GPM6A: variants seen among roughly 807,000 people sequenced by gnomAD.
GPM6A encodes glycoprotein M6A.
Under a neutral mutation model 32.1 loss-of-function variants are expected in GPM6A, and 7 were observed. The observed-to-expected ratio is 0.22, with a 90% CI of 0.12 to 0.41. The LOEUF (loss-of-function observed/expected upper bound fraction) is 0.41, where lower values mean the gene tolerates loss of function less well. Ranked by LOEUF, GPM6A falls within the 10% of genes least tolerant of loss-of-function variation. The pLI, the probability that GPM6A is intolerant of heterozygous loss-of-function variation, is 1.00. For missense variants in GPM6A, 235 were observed against 347.2 expected, an observed-to-expected ratio of 0.68 and a Z score of 2.57; for synonymous variants, 130 against 123.4, an observed-to-expected ratio of 1.05 and a Z score of -0.35.
chr4:175,719,203 C>CTT (rs33963681), intron 1 of GPM6A, among the ~76,000 whole-genome samples: 3 of 146,622 alleles, frequency 2.0e-5, no homozygotes. Context: ...TATAACACAA[C>CTT]TTTTTTTTTT....
intron 4 of GPM6A, 148 bp downstream of exon 4, chr4:175,651,686 C>T (rs1311139443): frequency 6.5e-6 from 4 of 611,690 alleles, no homozygotes; most frequent in Non-Finnish European, 1.1e-5. Flanking sequence ...AAGGGAATAG[C>T]CTTAGCAGTA....
intron 1 of GPM6A, among the ~76,000 whole-genome samples, chr4:175,746,913 C>A (rs1158254568): frequency 6.6e-6 from 1 of 152,130 alleles, no homozygotes; most frequent in East Asian, 1.9e-4. Flanking sequence ...AAAATTGTAA[C>A]CCATTAAGAA....
intron 1 of GPM6A, among the ~76,000 whole-genome samples, chr4:175,778,454 G>A (rs868776717): frequency 9.9e-5 from 15 of 151,338 alleles, no homozygotes; most frequent in African/African-American, 3.2e-4. Context: ...GTGAAGCCCC[G>A]TCTCTACTAA....
At position 175,834,644 on chromosome 4, in the gene GPM6A, T is replaced by TA. The variant is rs139627448; in HGVS notation, c.-22-22396dup. On this transcript the variant is annotated intron_variant, in intron 1 of 7. Coordinates refer to the GPM6A transcript ENST00000280187. ...GTGCACTTTTCCCTTACCAAGAATT[T>TA]AAAAAAAAAACAACTGTTTATAAGT... is the stretch of plus-strand genomic sequence containing the variant. Among the ~76,000 whole-genome samples, 80 of 148,598 alleles carry TA rather than the reference T, an allele frequency of 5.4e-4. 1 individual carries two copies. The highest frequency in any genetic ancestry group is 4.8e-3 in the South Asian group (22 of 4,628).
chr4:175,750,559 G>A lies in GPM6A; in HGVS notation c.38-48792C>T, dbSNP rs540001886. Among the ~76,000 whole-genome samples the A allele has an allele frequency of 4.6e-5, 7 of 152,122 alleles. No homozygotes were observed. The East Asian group carries it at 1.4e-3, about 30-fold the overall frequency. ...AGTGTATGTATATTAAGAGTTAAGA[G>A]TTGGGTTTTTCTATTTTAGCTTCCT... On this transcript the variant is annotated intron_variant, in intron 1 of 6. Coordinates refer to ENST00000393658, the MANE Select transcript of GPM6A (RefSeq NM_201591.3).
chr4:175,767,991 G>T (rs1246168410), intron 1 of GPM6A, among the ~76,000 whole-genome samples: 1 of 152,142 alleles, frequency 6.6e-6, no homozygotes, highest in African/African-American at 2.4e-5. Flanking sequence ...AGATTTAGAG[G>T]CTGCTGCATT....
chr4:175,677,189 T>G (rs1220394620), intron 2 of GPM6A, among the ~76,000 whole-genome samples: 1 of 152,168 alleles, frequency 6.6e-6, no homozygotes, highest in Non-Finnish European at 1.5e-5. Context: ...ACATAAGGAA[T>G]GAATATTATA....
At chr4:175,817,017 C>T (rs1216578024), upstream of GPM6A, among the ~76,000 whole-genome samples, 3 of 152,010 alleles carry the variant, frequency 2.0e-5, no homozygotes, top group Non-Finnish European at 4.4e-5. Context: ...CCACCACGCC[C>T]GGCTAATTTT....
chr4:175,925,558 A>C (rs1359600228), intron 1 of GPM6A, among the ~76,000 whole-genome samples: 1 of 152,196 alleles, frequency 6.6e-6, no homozygotes, highest in Non-Finnish European at 1.5e-5. Context: ...AATGGTAAAC[A>C]CTATCGTAAA....
At chr4:175,954,154 T>C (rs1461062333) in intron 1 of GPM6A, among the ~76,000 whole-genome samples, 4 of 152,188 alleles carry the variant, frequency 2.6e-5, no homozygotes, top group Non-Finnish European at 5.9e-5. Context: ...ACTAGTCACA[T>C]GTGGCTATTT....
intron 1 of GPM6A, among the ~76,000 whole-genome samples, chr4:175,753,824 A>C (rs931342143): frequency 6.6e-6 from 1 of 152,104 alleles, no homozygotes; most frequent in Non-Finnish European, 1.5e-5. Context: ...GTAAGGACCT[A>C]TGTTAATGTC....
At chr4:175,853,429 C>T (rs1205234959) in intron 1 of GPM6A, among the ~76,000 whole-genome samples, 1 of 150,994 alleles carries the variant, frequency 6.6e-6, no homozygotes, top group Non-Finnish European at 1.5e-5. Context: ...TGAGTTGAAG[C>T]TTATCACAAT....
chr4:175,792,264 T>C (rs1734041421), intron 1 of GPM6A, among the ~76,000 whole-genome samples: 1 of 152,190 alleles, frequency 6.6e-6, no homozygotes, highest in Non-Finnish European at 1.5e-5. Context: ...GAAACTGCCA[T>C]GCCAATAAAA....
In GPM6A at chr4:175,951,217, A is replaced by G. The variant is rs1428265483; in HGVS notation, c.-23+51092T>C. Among the ~76,000 whole-genome samples the G allele has an allele frequency of 5.9e-5, 9 of 152,194 alleles. No individual in the cohort carries two copies. The South Asian group carries it at 1.4e-3, about 24-fold the overall frequency. ...CCTTCTCAAGATGCTTATCTGCCCAACTGACCCTGTAACAAGCCATTTTTC... is the reference window on the plus strand; with the variant it reads ...CCTTCTCAAGATGCTTATCTGCCCAGCTGACCCTGTAACAAGCCATTTTTC... On this transcript the variant is annotated intron_variant, in intron 1 of 7. Coordinates refer to the GPM6A transcript ENST00000280187.
chr4:175,927,682 C>T (rs1049764575), intron 1 of GPM6A, among the ~76,000 whole-genome samples: 1 of 152,110 alleles, frequency 6.6e-6, no homozygotes, highest in Non-Finnish European at 1.5e-5. Flanking sequence ...GTCAGGCGCT[C>T]GAGACGAGCC....
At chr4:175,876,491 G>A (rs1400210769) in intron 1 of GPM6A, among the ~76,000 whole-genome samples, 3 of 152,098 alleles carry the variant, frequency 2.0e-5, no homozygotes, top group Non-Finnish European at 4.4e-5. Flanking sequence ...TCTATTTTCA[G>A]TTTTTACTTC....
chr4:175,698,135 G>C (rs1362671069), intron 2 of GPM6A, among the ~76,000 whole-genome samples: 1 of 152,116 alleles, frequency 6.6e-6, no homozygotes, highest in South Asian at 2.1e-4. Context: ...AGATAAAGAA[G>C]TAGGTAACTC....
rs559164648 is a variant in GPM6A, at chr4:175,824,537, T to A, written c.-22-12288A>T. ...CATATTTGCCAGATATCATACATTT[T>A]TTATTTTTAATATTTCAGTATGTCT... is the stretch of plus-strand genomic sequence containing the variant. On this transcript the variant is annotated intron_variant, in intron 1 of 7. Coordinates refer to the GPM6A transcript ENST00000280187. Among the ~76,000 whole-genome samples the A allele has an allele frequency of 2.8e-4, 42 of 152,312 alleles. 1 individual carries two copies. The South Asian group carries it at 5.6e-3, about 20-fold the overall frequency.
rs189743208 is a variant in GPM6A, at chr4:175,959,081, C to T, written c.-23+43228G>A. Among the ~76,000 whole-genome samples the T allele has an allele frequency of 3.9e-3, 595 of 151,984 alleles. 2 individuals are homozygous for T. Among genetic ancestry groups the T allele is most frequent in the Non-Finnish European group, 6.1e-3 (418 of 67,972 alleles). ...TTACAATATAGGTAGGAATAGTAGACGGAAGGAAAACTAAATTATTCTACA... is the reference window on the plus strand; with the variant it reads ...TTACAATATAGGTAGGAATAGTAGATGGAAGGAAAACTAAATTATTCTACA... On this transcript the variant is annotated intron_variant, in intron 1 of 7. Coordinates refer to the GPM6A transcript ENST00000280187.
Sources: gnomAD v4.1 joint callset for allele counts (sites outside exome capture counted in the v4.1 genomes callset) on GRCh38, gnomAD v4.1.1 for gene constraint, MANE v1.5 for transcripts, NCBI Gene and HGNC (gene_info 2026-07-23, HGNC 2026-07-21) for gene names.